PRRG2: variants seen among roughly 807,000 people sequenced by gnomAD.
PRRG2 encodes proline rich and Gla domain 2.
Under a neutral mutation model 27.1 loss-of-function variants are expected in PRRG2, and 23 were observed. The observed-to-expected ratio is 0.85, with a 90% CI of 0.61 to 1.20. The LOEUF is 1.20. PRRG2 is among the 50% of genes most tolerant of loss of function. The probability of loss-of-function intolerance (pLI) is 0.00; values close to 1 mark genes in which losing one functional copy is unlikely to be tolerated. For synonymous variants in PRRG2, 104 were observed against 103.4 expected (o/e 1.01, Z -0.03); for missense variants, 276 against 254.8 (o/e 1.08, Z -0.57).
intron 4 of PRRG2, among the ~76,000 whole-genome samples, chr19:49,586,053 C>A (rs2080666333): frequency 7.2e-6 from 1 of 138,634 alleles, no homozygotes; most frequent in South Asian, 2.3e-4. Context: ...GCTCTCCAGC[C>A]TGGGCAACAG....
Position 49,583,451 on chromosome 19 carries a change from C to T in PRRG2, c.86-91C>T, listed in dbSNP as rs771217483. Reference sequence around the variant, plus strand: ...GGAATCTGGATTCCCAGCCCCTGCTCCTTCCTCCAGGACCCCACTGCTTTC... The same window carrying T: ...GGAATCTGGATTCCCAGCCCCTGCTTCTTCCTCCAGGACCCCACTGCTTTC... On this transcript the variant is annotated intron_variant, in intron 2 of 6. Coordinates refer to ENST00000246794, the MANE Select transcript of PRRG2 (RefSeq NM_000951.3). The T allele has an allele frequency of 9.1e-6, 14 of 1,533,716 alleles. No individual in the cohort carries two copies. The African/African-American group carries it at 1.5e-4, about 17-fold the overall frequency.
At chr19:49,585,221 C>T (rs977458340) in intron 4 of PRRG2, among the ~76,000 whole-genome samples, 37 of 152,210 alleles carry the variant, frequency 2.4e-4, no homozygotes, top group Admixed American at 2.3e-3. Flanking sequence ...CCTAGCCAGG[C>T]TCCAGGACCC....
At chr19:49,589,793 C>G (rs1007453233) in intron 5 of PRRG2, 107 bp from the exon 6 acceptor site, 1 of 1,269,536 alleles carries the variant, frequency 7.9e-7, no homozygotes, top group African/African-American at 1.5e-5. Context: ...CCTTCCAGCT[C>G]TGTCCCAGTG....
intron 4 of PRRG2, among the ~76,000 whole-genome samples, chr19:49,584,452 G>A (rs920563518): frequency 1.3e-5 from 2 of 151,998 alleles, no homozygotes; most frequent in Non-Finnish European, 2.9e-5. Context: ...TTACAGGCGT[G>A]AGCCACCGCG....
chr19:49,584,452 G>T (rs920563518), intron 4 of PRRG2, among the ~76,000 whole-genome samples: 1 of 151,998 alleles, frequency 6.6e-6, no homozygotes, highest in East Asian at 1.9e-4. Context: ...TTACAGGCGT[G>T]AGCCACCGCG....
Position 49,584,450 on chromosome 19 carries a change from G to A in PRRG2, c.301+498G>A, listed in dbSNP as rs1302779348. Among the ~76,000 whole-genome samples, 14 of 152,092 alleles carry A rather than the reference G, an allele frequency of 9.2e-5. No homozygotes were observed. In the East Asian group the frequency reaches 1.7e-3, roughly 19 times the overall value. On this transcript the variant is annotated intron_variant, in intron 4 of 6. Transcript: ENST00000246794. ...CTCCCAAAGTGCTGGGATTACAGGC[G>A]TGAGCCACCGCGCCAGGCCTTTAAT...
intron 1 of PRRG2, among the ~76,000 whole-genome samples, chr19:49,582,258 A>C (rs1427275705): frequency 6.7e-6 from 1 of 148,836 alleles, no homozygotes; most frequent in Non-Finnish European, 1.5e-5. Context: ...AAAAAAAAAA[A>C]AACTCCTGTG....
intron 6 of PRRG2, 147 bp from the exon 7 acceptor site, chr19:49,590,224 A>T: frequency 2.1e-6 from 3 of 1,430,350 alleles, no homozygotes; most frequent in East Asian, 4.6e-5. Context: ...CCAGCGTTGT[A>T]TGTGTGGAGC....
intron 1 of PRRG2, among the ~76,000 whole-genome samples, chr19:49,582,534 A>G (rs2122229563): frequency 6.6e-6 from 1 of 152,120 alleles, no homozygotes; most frequent in African/African-American, 2.4e-5. Context: ...TGGGAGGCTG[A>G]GGCAGGCAGA....
At chr19:49,586,307 C>T (rs1340048100) in intron 4 of PRRG2, among the ~76,000 whole-genome samples, 2 of 151,536 alleles carry the variant, frequency 1.3e-5, no homozygotes, top group South Asian at 2.1e-4. Context: ...ACGCTGCTCT[C>T]GACCTCCTAG....
chr19:49,581,112 G>A (rs544881259), upstream of PRRG2, among the ~76,000 whole-genome samples: 8 of 152,230 alleles, frequency 5.3e-5, no homozygotes, highest in South Asian at 1.5e-3. Context: ...AATTTTTCTA[G>A]CTCGGACAGA....
intron 4 of PRRG2, among the ~76,000 whole-genome samples, chr19:49,586,265 AGAGATGGGGGTCT>A (rs1028302578): frequency 1.3e-5 from 2 of 151,412 alleles, no homozygotes; most frequent in African/African-American, 4.9e-5. Flanking sequence ...TTTTTTTTGT[AGAGATGGGGGTCT>A]CACTGTGCTG....
At chr19:49,584,035 C>T (rs2080649985) in intron 4 of PRRG2, 83 bp downstream of exon 4, 3 of 1,383,584 alleles carry the variant, frequency 2.2e-6, no homozygotes, top group Middle Eastern at 2.0e-4. Flanking sequence ...TCCTCCACCC[C>T]AAATTAGGTA....
chr19:49,589,600 GCTGT>G (rs1360552662), intron 5 of PRRG2, among the ~76,000 whole-genome samples: 1 of 151,702 alleles, frequency 6.6e-6, no homozygotes, highest in Non-Finnish European at 1.5e-5. Flanking sequence ...ACCCGGCAGG[GCTGT>G]CTTTTTCTCT....
intron 5 of PRRG2, among the ~76,000 whole-genome samples, chr19:49,588,870 C>T (rs906328492): frequency 6.6e-6 from 1 of 152,164 alleles, no homozygotes; most frequent in Non-Finnish European, 1.5e-5. Flanking sequence ...TTGCTGCCAG[C>T]CTGTCTTTGC....
intron 1 of PRRG2, among the ~76,000 whole-genome samples, chr19:49,582,540 GC>G (rs1718630077): frequency 6.6e-6 from 1 of 151,998 alleles, no homozygotes; most frequent in African/African-American, 2.4e-5. Context: ...GCTGAGGCAG[GC>G]AGATCACTTG....
At chr19:49,583,408 C>T in intron 2 of PRRG2, 104 bp downstream of exon 2, 2 of 1,513,090 alleles carry the variant, frequency 1.3e-6, no homozygotes, top group African/African-American at 1.4e-5. Flanking sequence ...GACCCAGCCC[C>T]TTCCTCCTTC....
intron 5 of PRRG2, 35 bp from the exon 6 acceptor site, chr19:49,589,865 G>A (rs768293008): frequency 1.9e-6 from 3 of 1,610,048 alleles, no homozygotes; most frequent in Non-Finnish European, 1.7e-6. Context: ...TATCCTGTAA[G>A]TTGCCTCTGC....
At chr19:49,586,233 C>T in intron 4 of PRRG2, among the ~76,000 whole-genome samples, 1 of 151,662 alleles carries the variant, frequency 6.6e-6, no homozygotes, top group South Asian at 2.1e-4. Flanking sequence ...AGGCATGCAC[C>T]ACCACGCCCA....
Sources: gnomAD v4.1 joint callset for allele counts (sites outside exome capture counted in the v4.1 genomes callset) on GRCh38, gnomAD v4.1.1 for gene constraint, MANE v1.5 for transcripts, NCBI Gene and HGNC (gene_info 2026-07-23, HGNC 2026-07-21) for gene names.